The following ODAD4 variants were observed in gnomAD, a reference collection of about 807,000 sequenced individuals.
The protein encoded by ODAD4 is outer dynein arm docking complex subunit 4, also known as outer dynein arm-docking complex subunit 4.
ODAD4 carries 49 observed loss-of-function variants against 51.8 expected under a neutral mutation model. That is an observed-to-expected ratio of 0.95 (90% confidence interval 0.75 to 1.20). ODAD4 has a LOEUF of 1.20. ODAD4 is among the 50% of genes most tolerant of loss of function. The pLI, the probability that ODAD4 is intolerant of heterozygous loss-of-function variation, is 0.00. For synonymous variants in ODAD4, 235 were observed against 221.3 expected, an observed-to-expected ratio of 1.06 and a Z score of -0.55; for missense variants, 590 against 586.5, an observed-to-expected ratio of 1.01 and a Z score of -0.06.
At chr17:41,937,972 G>C (rs2050450708) in intron 5 of ODAD4, among the ~76,000 whole-genome samples, 1 of 152,240 alleles carries the variant, frequency 6.6e-6, no homozygotes, top group South Asian at 2.1e-4. Flanking sequence ...CTGTGACACA[G>C]GAACAGCTTC....
intron 1 of ODAD4, 29 bp from the exon 2 acceptor site, chr17:41,935,188 G>A: frequency 6.2e-7 from 1 of 1,613,256 alleles, no homozygotes; most frequent in Non-Finnish European, 8.5e-7. Flanking sequence ...CTTCATGCTG[G>A]CTGTCAACCT....
At chr17:41,940,296 T>G (rs1555638534) in intron 7 of ODAD4, among the ~76,000 whole-genome samples, 1 of 152,112 alleles carries the variant, frequency 6.6e-6, no homozygotes, top group African/African-American at 2.4e-5. Flanking sequence ...GAACTCTCCC[T>G]CCCCTGCTCA....
At chr17:41,954,916 C>T (rs1004007011) in intron 9 of ODAD4, 31 of 369,844 alleles carry the variant, frequency 8.4e-5, no homozygotes, top group Non-Finnish European at 1.2e-4. Flanking sequence ...GCGGTTTTCT[C>T]CTCCACTCTG....
At chr17:41,939,700 A>C (rs1448678440) in intron 7 of ODAD4, among the ~76,000 whole-genome samples, 1 of 152,194 alleles carries the variant, frequency 6.6e-6, no homozygotes, top group Non-Finnish European at 1.5e-5. Flanking sequence ...GAGGGTACTT[A>C]AGCCTGGAGA....
In ODAD4 at chr17:41,930,881, C is replaced by CTTTTTTTTTTTTTTTTT. The variant is rs782820445; in HGVS notation, c.114+57_114+73dup. On this transcript the variant is annotated intron_variant, in intron 1 of 11. Coordinates refer to ENST00000377540, the MANE Select transcript of ODAD4 (RefSeq NM_031421.5). ...CTATCCATCACCCCATCACCCGTCA[C>CTTTTTTTTTTTTTTTTT]TTTTTTTTTTTTTTTTTTTTTTTTT... 1.0e-4 allele frequency: 10 copies of CTTTTTTTTTTTTTTTTT among 97,238 alleles called. 1 individual carries two copies. The highest frequency in any genetic ancestry group is 4.1e-4 in the African/African-American group (5 of 12,132). The allele number at this position is 97,238 out of a possible 1,614,324, so 6.0% of individuals were successfully genotyped here. A position where few individuals can be genotyped will look rare whatever the true frequency, so the allele number is the denominator to read the frequency against.
chr17:41,942,581 A>C (rs1333352192), intron 7 of ODAD4, among the ~76,000 whole-genome samples: 1 of 152,232 alleles, frequency 6.6e-6, no homozygotes, highest in Non-Finnish European at 1.5e-5. Context: ...GCAGGTGCAC[A>C]GTGTGGCCCA....
intron 8 of ODAD4, among the ~76,000 whole-genome samples, chr17:41,946,856 CTT>C (rs79664258): frequency 1.5e-5 from 2 of 130,374 alleles, no homozygotes. Context: ...TTTTTCTTTT[CTT>C]TTTTTTTTTT....
At chr17:41,944,591 A>T (rs1458699408) in intron 7 of ODAD4, among the ~76,000 whole-genome samples, 2 of 151,810 alleles carry the variant, frequency 1.3e-5, no homozygotes, top group African/African-American at 4.8e-5. Flanking sequence ...GGACTTTGAG[A>T]CCAGCCTTTC....
At chr17:41,956,590 C>T (rs2050737570) in intron 10 of ODAD4, among the ~76,000 whole-genome samples, 1 of 149,140 alleles carries the variant, frequency 6.7e-6, no homozygotes, top group African/African-American at 2.5e-5. Flanking sequence ...GAAACCCTAT[C>T]TCTAAAAAAT....
intron 8 of ODAD4, among the ~76,000 whole-genome samples, chr17:41,947,373 T>C (rs1598082373): frequency 6.6e-6 from 1 of 151,106 alleles, no homozygotes; most frequent in Non-Finnish European, 1.5e-5. Context: ...TAATCCCAGC[T>C]ACACAGGAGG....
intron 1 of ODAD4, among the ~76,000 whole-genome samples, 160 bp from the exon 2 acceptor site, chr17:41,935,057 C>A (rs1243056531): frequency 2.6e-5 from 4 of 152,120 alleles, no homozygotes; most frequent in Non-Finnish European, 5.9e-5. Context: ...GAGCCAGAGG[C>A]CTGTGTGCTG....
chr17:41,936,915 C>T lies in ODAD4; in HGVS notation c.613C>T (p.Leu205=), dbSNP rs1012752361. The part of the protein sequence containing the change: ...YVDKEYLEKL[L]LDEDLIKGTM... ...GGACAAAGAGTATTTGGAGAAGCTC[C>T]TATTGGATGAAGGTTTCGGACACTT... The change falls in exon 5 of 12, where the codon CTA becomes TTA. Residue 205 remains leucine (L), a synonymous_variant. Transcript: ENST00000377540. 9.3e-6 allele frequency: 15 copies of T among 1,613,724 alleles called. No homozygotes were observed. The Admixed American group carries it at 1.5e-4, about 16-fold the overall frequency.
intron 7 of ODAD4, among the ~76,000 whole-genome samples, chr17:41,939,500 C>G (rs145072102): frequency 2.6e-5 from 4 of 152,288 alleles, no homozygotes; most frequent in Non-Finnish European, 5.9e-5. Flanking sequence ...AGTGTGGGAA[C>G]ACAGTAATAA....
chr17:41,935,876 T>A, intron 3 of ODAD4, 127 bp downstream of exon 3: 2 of 1,152,156 alleles, frequency 1.7e-6, no homozygotes, highest in Non-Finnish European at 2.4e-6. Flanking sequence ...CACCTGGATT[T>A]GGCTGCTGCA....
chr17:41,931,180 C>G (rs1555636762), intron 1 of ODAD4, among the ~76,000 whole-genome samples: 1 of 152,076 alleles, frequency 6.6e-6, no homozygotes, highest in Non-Finnish European at 1.5e-5. Context: ...CAGGCGTGAG[C>G]CACTGCGCCT....
intron 5 of ODAD4, among the ~76,000 whole-genome samples, chr17:41,937,532 G>T (rs1382662150): frequency 1.3e-5 from 2 of 152,030 alleles, no homozygotes; most frequent in Non-Finnish European, 2.9e-5. Context: ...GTGCAGTGAA[G>T]CAAATTCGGC....
At chr17:41,953,664 T>TAGAG (rs1289191015) in intron 9 of ODAD4, among the ~76,000 whole-genome samples, 16 of 148,302 alleles carry the variant, frequency 1.1e-4, no homozygotes, top group African/African-American at 4.0e-4. Context: ...TATATATATA[T>TAGAG]ATATAGAGAG....
chr17:41,950,056 G>T, intron 9 of ODAD4, among the ~76,000 whole-genome samples: 1 of 151,958 alleles, frequency 6.6e-6, no homozygotes, highest in South Asian at 2.1e-4. Flanking sequence ...TGCAACCTTG[G>T]CCTCCCGGGT....
At position 41,965,217 on chromosome 17, in the gene ODAD4, C is replaced by G. The variant is rs782454502; in HGVS notation, c.1753C>G (p.Leu585Val). The change falls in exon 12 of 12, where the codon CTG becomes GTG. Residue 585 changes from leucine to valine, a missense_variant. Leu to Val is a conservative substitution (Grantham distance 32). Coordinates refer to ENST00000377540, the MANE Select transcript of ODAD4 (RefSeq NM_031421.5). ...RSDLGAVAKG[L>V]SGELGTRSGE... ...CGATTTGGGAGCAGTTGCCAAGGGC[C>G]TGTCAGGAGAATTAGGCACAAGATC... 2.6e-6 allele frequency: 2 copies of G among 775,396 alleles called. No homozygotes were observed. The highest frequency in any genetic ancestry group is 4.9e-5 in the East Asian group (2 of 41,154). The allele number at this position is 775,396 out of a possible 1,614,324, so 48.0% of individuals were successfully genotyped here. A position where few individuals can be genotyped will look rare whatever the true frequency, so the allele number is the denominator to read the frequency against.
Sources: gnomAD v4.1 joint callset for allele counts (sites outside exome capture counted in the v4.1 genomes callset) on GRCh38, gnomAD v4.1.1 for gene constraint, MANE v1.5 for transcripts, NCBI Gene and HGNC (gene_info 2026-07-23, HGNC 2026-07-21) for gene names.